PTPRT: variants seen among roughly 807,000 people sequenced by gnomAD.
PTPRT encodes receptor-type tyrosine-protein phosphatase T.
In PTPRT, 56 loss-of-function variants were observed where a neutral mutation model predicts 176.8. The ratio of observed to expected loss-of-function variants is 0.32; its 90% CI spans 0.26 to 0.40. The LOEUF (loss-of-function observed/expected upper bound fraction) is 0.40, where lower values mean the gene tolerates loss of function less well. Among genes scored for constraint, PTPRT ranks in the 10% least tolerant of loss-of-function variants. PTPRT has a pLI of 1.00. For missense variants in PTPRT, 1,540 were observed against 1,908.2 expected (o/e 0.81, Z 3.60); for synonymous variants, 783 against 739.0 (o/e 1.06, Z -0.96).
intron 13 of PTPRT, among the ~76,000 whole-genome samples, chr20:42,262,129 C>T (rs530886579): frequency 3.8e-4 from 58 of 152,314 alleles, no homozygotes; most frequent in African/African-American, 1.4e-3. Flanking sequence ...GCCAAATCCA[C>T]CATGAACATG....
intron 2 of PTPRT, among the ~76,000 whole-genome samples, chr20:42,818,786 G>A (rs1377914235): frequency 5.9e-5 from 9 of 152,154 alleles, no homozygotes; most frequent in African/African-American, 2.2e-4. Flanking sequence ...TGACCACGCG[G>A]AAGAAAGGAT....
chr20:42,064,979 T>A, the PTPRT span, among the ~76,000 whole-genome samples: 1 of 152,234 alleles, frequency 6.6e-6, no homozygotes, highest in African/African-American at 2.4e-5. Context: ...GTCTGACTAC[T>A]CTGGGCTGTC....
intron 2 of PTPRT, among the ~76,000 whole-genome samples, chr20:42,821,157 C>T (rs6072879): frequency 0.028 from 4,259 of 152,274 alleles, 79 homozygotes; most frequent in Middle Eastern, 0.044. Context: ...ATGTGAAAAT[C>T]CTCAGTAAAA....
chr20:42,588,239 C>G (rs1439378578), intron 7 of PTPRT, among the ~76,000 whole-genome samples: 1 of 152,060 alleles, frequency 6.6e-6, no homozygotes, highest in Non-Finnish European at 1.5e-5. Context: ...AGGTTAGGAG[C>G]TTAAGACCAG....
At chr20:43,126,862 A>G (rs2013458320) in intron 1 of PTPRT, among the ~76,000 whole-genome samples, 1 of 152,188 alleles carries the variant, frequency 6.6e-6, no homozygotes. Flanking sequence ...AAACATCCAT[A>G]GAGTGCTTCT....
At chr20:42,700,958 G>T (rs1026729821) in intron 6 of PTPRT, among the ~76,000 whole-genome samples, 1 of 152,198 alleles carries the variant, frequency 6.6e-6, no homozygotes, top group African/African-American at 2.4e-5. Flanking sequence ...CAGAGCCAGT[G>T]GGGGCGGTCC....
intron 6 of PTPRT, among the ~76,000 whole-genome samples, chr20:42,678,581 G>C (rs2146071927): frequency 6.6e-6 from 1 of 152,310 alleles, no homozygotes; most frequent in Middle Eastern, 3.4e-3. Context: ...TGGGATTACA[G>C]GCATGAGCCA....
At chr20:42,449,843 A>G (rs923839444) in intron 8 of PTPRT, among the ~76,000 whole-genome samples, 1 of 152,244 alleles carries the variant, frequency 6.6e-6, no homozygotes, top group African/African-American at 2.4e-5. Flanking sequence ...AATATATAAA[A>G]AGGTTAAAAA....
intron 1 of PTPRT, among the ~76,000 whole-genome samples, chr20:43,091,757 G>A (rs746693531): frequency 2.0e-5 from 3 of 152,142 alleles, no homozygotes; most frequent in Non-Finnish European, 4.4e-5. Flanking sequence ...GCAGCCCCAA[G>A]ATGATGATGA....
rs572814962 is a variant in PTPRT at position 42,346,986 on chromosome 20, C to T, written c.1865+3642G>A. Among the ~76,000 whole-genome samples the T allele has an allele frequency of 1.7e-4, 26 of 152,250 alleles. No homozygotes were observed. In the South Asian group the frequency reaches 4.4e-3, roughly 26 times the overall value. ...GTAGCACCCCCACAAAAGGGCCACC[C>T]GGTCATCACGTGACATACCAGGCAG... On this transcript the variant is annotated intron_variant, in intron 11 of 30. Coordinates refer to ENST00000373187, the MANE Select transcript of PTPRT (RefSeq NM_007050.6).
chr20:43,000,249 TG>T (rs1029887092), intron 1 of PTPRT, among the ~76,000 whole-genome samples: 4 of 152,108 alleles, frequency 2.6e-5, no homozygotes, highest in African/African-American at 9.7e-5. Flanking sequence ...GGAGATTCGA[TG>T]GTGCCAAGGA....
chr20:43,014,059 A>G lies in PTPRT; in HGVS notation c.89-128127T>C, dbSNP rs115208808. ...GATTCTTTCATTACCAACTGGATACATTCCCTTCCGTCAAGTACTTGGTGG... is the reference window on the plus strand; with the variant it reads ...GATTCTTTCATTACCAACTGGATACGTTCCCTTCCGTCAAGTACTTGGTGG... On this transcript the variant is annotated intron_variant, in intron 1 of 30. Transcript: ENST00000373187. 4.1e-3 allele frequency among the ~76,000 whole-genome samples: 627 copies of G among 152,346 alleles called. 3 individuals are homozygous for G. Among genetic ancestry groups the G allele is most frequent in the African/African-American group, 0.014 (602 of 41,578 alleles).
chr20:42,465,169 C>T (rs1190809011), intron 8 of PTPRT, among the ~76,000 whole-genome samples: 1 of 151,702 alleles, frequency 6.6e-6, no homozygotes, highest in East Asian at 1.9e-4. Flanking sequence ...TGCTCCTTCA[C>T]ATTTAGTGTT....
chr20:42,837,170 G>C (rs539207116), intron 2 of PTPRT, among the ~76,000 whole-genome samples: 35 of 152,324 alleles, frequency 2.3e-4, no homozygotes, highest in African/African-American at 7.7e-4. Flanking sequence ...GGTGGGCCCT[G>C]GATTCAGCTC....
At chr20:42,417,400 C>T (rs377616159) in intron 9 of PTPRT, among the ~76,000 whole-genome samples, 16 of 152,136 alleles carry the variant, frequency 1.1e-4, no homozygotes, top group African/African-American at 3.9e-4. Flanking sequence ...AGATTCCTCC[C>T]TATTTCCTGA....
At chr20:43,106,864 C>T (rs2012638046) in intron 1 of PTPRT, among the ~76,000 whole-genome samples, 1 of 151,980 alleles carries the variant, frequency 6.6e-6, no homozygotes, top group Non-Finnish European at 1.5e-5. Flanking sequence ...GATCTTCACT[C>T]ACCACAACCT....
At chr20:42,975,874 A>G (rs938150190) in intron 1 of PTPRT, among the ~76,000 whole-genome samples, 2 of 152,112 alleles carry the variant, frequency 1.3e-5, no homozygotes, top group Admixed American at 6.5e-5. Flanking sequence ...GGGAAGAAAT[A>G]AAAATTAAAT....
intron 9 of PTPRT, among the ~76,000 whole-genome samples, chr20:42,371,337 T>C (rs1373161971): frequency 1.3e-5 from 2 of 152,202 alleles, no homozygotes; most frequent in African/African-American, 4.8e-5. Context: ...TCACATTGCT[T>C]CTTCTACCAT....
Position 42,761,302 on chromosome 20 carries a change from C to T in PTPRT, c.685-4666G>A, listed in dbSNP as rs148773270. On this transcript the variant is annotated intron_variant, in intron 5 of 30. Transcript: ENST00000373187. ...ATACAAAATTAGCCGGGCATGGTGG[C>T]GCATGCCTGTAATCCCAGCTGCTCG... 7.8e-3 allele frequency among the ~76,000 whole-genome samples: 1,183 copies of T among 152,058 alleles called. 20 individuals are homozygous for T. The highest frequency in any genetic ancestry group is 0.026 in the African/African-American group (1,074 of 41,438).
Sources: allele counts gnomAD v4.1 joint callset (sites outside exome capture counted in the v4.1 genomes callset), GRCh38; gene constraint gnomAD v4.1.1; transcripts MANE v1.5; gene names NCBI Gene and HGNC (gene_info 2026-07-23, HGNC 2026-07-21).